FRMD6: variants seen among roughly 807,000 people sequenced by gnomAD.
The protein encoded by FRMD6 is FERM domain-containing protein 6.
In FRMD6, 37 loss-of-function variants were observed where a neutral mutation model predicts 73.2. The ratio of observed to expected loss-of-function variants is 0.51; its 90% CI spans 0.39 to 0.66. The LOEUF (loss-of-function observed/expected upper bound fraction) is 0.66, where lower values mean the gene tolerates loss of function less well. FRMD6 is among the 30% of genes least tolerant of loss of function. The pLI, the probability that FRMD6 is intolerant of heterozygous loss-of-function variation, is 0.00. For synonymous variants in FRMD6, 273 were observed against 282.2 expected (o/e 0.97, Z 0.33); for missense variants, 714 against 780.5 (o/e 0.91, Z 1.02).
In FRMD6 at chr14:51,694,342, C is replaced by T. The variant is rs187151603; in HGVS notation, c.100-3800C>T. ...TTTTCTAGAGTATATTTTAAACATTCCTGCACAATAACAAACCATTAACAT... is the reference window on the plus strand; with the variant it reads ...TTTTCTAGAGTATATTTTAAACATTTCTGCACAATAACAAACCATTAACAT... On this transcript the variant is annotated intron_variant, in intron 2 of 13. Coordinates refer to ENST00000344768, the MANE Select transcript of FRMD6 (RefSeq NM_001267046.2). Among the ~76,000 whole-genome samples, 160 of 152,216 alleles carry T rather than the reference C, an allele frequency of 1.1e-3. No individual in the cohort carries two copies. The Middle Eastern group carries it at 0.024, about 23-fold the overall frequency.
chr14:51,525,448 T>C (rs1885198509), intron 1 of FRMD6, among the ~76,000 whole-genome samples: 2 of 152,092 alleles, frequency 1.3e-5, no homozygotes, highest in South Asian at 4.2e-4. Context: ...TTTTGTATTT[T>C]AGTAGAGATG....
the FRMD6 span, among the ~76,000 whole-genome samples, chr14:51,459,248 A>T: frequency 6.6e-6 from 1 of 152,186 alleles, no homozygotes; most frequent in Non-Finnish European, 1.5e-5. Context: ...TAACTCTTCT[A>T]ATCTCTCAAA....
At chr14:51,673,817 C>G (rs1894188688) in intron 1 of FRMD6, among the ~76,000 whole-genome samples, 1 of 152,180 alleles carries the variant, frequency 6.6e-6, no homozygotes, top group Non-Finnish European at 1.5e-5. Flanking sequence ...TAATCACTTG[C>G]CAGTGGAAGT....
chr14:51,601,542 G>A (rs1890037181), intron 2 of FRMD6, among the ~76,000 whole-genome samples: 2 of 152,200 alleles, frequency 1.3e-5, no homozygotes, highest in Non-Finnish European at 2.9e-5. Flanking sequence ...ACTCATGAAT[G>A]CATTTTGTTT....
the FRMD6 span, among the ~76,000 whole-genome samples, chr14:51,476,493 C>T: frequency 2.0e-5 from 3 of 152,184 alleles, no homozygotes; most frequent in South Asian, 2.1e-4. Flanking sequence ...ACCTGCTTTA[C>T]TTGCACTCAA....
chr14:51,527,244 A>G (rs1885308504), intron 1 of FRMD6, among the ~76,000 whole-genome samples: 1 of 152,280 alleles, frequency 6.6e-6, no homozygotes. Flanking sequence ...TAGTCATCAC[A>G]GCAGAGTTTT....
chr14:51,456,029 T>G, the FRMD6 span, among the ~76,000 whole-genome samples: 1 of 152,190 alleles, frequency 6.6e-6, no homozygotes, highest in Non-Finnish European at 1.5e-5. Context: ...GAGGAGCAGT[T>G]CCTTGCATCC....
At chr14:51,661,542 G>T (rs1893219994) in intron 1 of FRMD6, among the ~76,000 whole-genome samples, 1 of 152,048 alleles carries the variant, frequency 6.6e-6, no homozygotes, top group African/African-American at 2.4e-5. Flanking sequence ...TTGATAAGGA[G>T]GAATCAGTAA....
intron 2 of FRMD6, among the ~76,000 whole-genome samples, chr14:51,626,018 G>A (rs554630395): frequency 6.6e-6 from 1 of 152,312 alleles, no homozygotes; most frequent in Admixed American, 6.5e-5. Flanking sequence ...TTGAACAAAT[G>A]AATGAAAGTA....
chr14:51,634,144 C>T (rs140085807), intron 2 of FRMD6, among the ~76,000 whole-genome samples: 122 of 152,192 alleles, frequency 8.0e-4, no homozygotes, highest in African/African-American at 2.8e-3. Context: ...TCTTCATACA[C>T]TGAAGTGTAT....
chr14:51,428,759 G>A, the FRMD6 span, among the ~76,000 whole-genome samples: 1 of 152,020 alleles, frequency 6.6e-6, no homozygotes, highest in African/African-American at 2.4e-5. Context: ...AATCCTTGTG[G>A]GTCTGGGCTG....
chr14:51,405,695 G>A, the FRMD6 span, among the ~76,000 whole-genome samples: 1 of 151,628 alleles, frequency 6.6e-6, no homozygotes, highest in African/African-American at 2.4e-5. Flanking sequence ...GTTTTCTCTT[G>A]TATATTTGTT....
intron 1 of FRMD6, among the ~76,000 whole-genome samples, chr14:51,677,808 C>A (rs1465387097): frequency 6.6e-6 from 1 of 151,980 alleles, no homozygotes; most frequent in Non-Finnish European, 1.5e-5. Context: ...ATTCCCTGCC[C>A]CTGTTCAGTG....
At chr14:51,720,430 C>G in intron 11 of FRMD6, 40 bp downstream of exon 11, 2 of 1,589,672 alleles carry the variant, frequency 1.3e-6, no homozygotes, top group South Asian at 1.1e-5. Context: ...TGTTTAGTCT[C>G]CCAGTTTTTT....
At chr14:51,662,953 G>A (rs113753294) in intron 1 of FRMD6, among the ~76,000 whole-genome samples, 4,647 of 152,170 alleles carry the variant, frequency 0.031, 115 homozygotes, top group Non-Finnish European at 0.044. Flanking sequence ...CCATTAAAAT[G>A]TGGGCAAATG....
the FRMD6 span, among the ~76,000 whole-genome samples, chr14:51,432,343 T>TC: frequency 1.3e-5 from 2 of 152,172 alleles, no homozygotes; most frequent in Non-Finnish European, 2.9e-5. Flanking sequence ...ATTTTTTTTT[T>TC]CCTCTGAAGA....
chr14:51,626,028 A>C (rs1359937270), intron 2 of FRMD6, among the ~76,000 whole-genome samples: 3 of 152,234 alleles, frequency 2.0e-5, no homozygotes, highest in Non-Finnish European at 4.4e-5. Context: ...GAATGAAAGT[A>C]AGAAGATGCT....
Position 51,720,050 on chromosome 14 carries a change from C to A in FRMD6, c.1025-5C>A, listed in dbSNP as rs199562942. 6.2e-7 allele frequency: 1 copy of A among 1,604,498 alleles called. No homozygotes were observed. Among genetic ancestry groups the A allele is most frequent in the Non-Finnish European group, 8.5e-7 (1 of 1,174,208 alleles). ...GGTTAATGAACTGTGTTCCCCACCA[C>A]GTAGAGAAGAAGCAGTACCGGGAAT... On this transcript the variant is annotated splice_polypyrimidine_tract_variant and splice_region_variant and intron_variant, in intron 10 of 13. Transcript: ENST00000344768.
chr14:51,688,059 C>G (rs1302651862), intron 1 of FRMD6, among the ~76,000 whole-genome samples: 1 of 151,746 alleles, frequency 6.6e-6, no homozygotes, highest in Admixed American at 6.6e-5. Context: ...GATTCTGATG[C>G]AGCCAACCCT....
Sources: gnomAD v4.1 joint callset for allele counts (sites outside exome capture counted in the v4.1 genomes callset) on GRCh38, gnomAD v4.1.1 for gene constraint, MANE v1.5 for transcripts, NCBI Gene and HGNC (gene_info 2026-07-23, HGNC 2026-07-21) for gene names.